The following GRIP1 variants were observed in gnomAD, a reference collection of about 807,000 sequenced individuals.
The protein encoded by GRIP1 is glutamate receptor interacting protein 1, also known as glutamate receptor-interacting protein 1.
A neutral mutation model predicts 129.9 loss-of-function variants in GRIP1; 45 were observed. That is an observed-to-expected ratio of 0.35 (90% confidence interval 0.27 to 0.44). The LOEUF (loss-of-function observed/expected upper bound fraction) is 0.44, where lower values mean the gene tolerates loss of function less well. Ranked by LOEUF, GRIP1 falls within the 20% of genes least tolerant of loss-of-function variation. The probability of loss-of-function intolerance (pLI) is 1.00; values close to 1 mark genes in which losing one functional copy is unlikely to be tolerated. For synonymous variants in GRIP1, 530 were observed against 520.8 expected (o/e 1.02, Z -0.24); for missense variants, 1,196 against 1,396.8 (o/e 0.86, Z 2.29).
chr12:66,569,417 C>T (rs552955459), intron 2 of GRIP1, among the ~76,000 whole-genome samples: 5 of 152,280 alleles, frequency 3.3e-5, no homozygotes, highest in South Asian at 4.1e-4. Flanking sequence ...ACAGAGGTTG[C>T]CGTGAGCCAA....
chr12:66,442,695 C>T (rs758033796), intron 13 of GRIP1, among the ~76,000 whole-genome samples: 5 of 150,396 alleles, frequency 3.3e-5, no homozygotes, highest in Non-Finnish European at 7.4e-5. Flanking sequence ...CCATGCCAGG[C>T]TAATTTAAAA....
At chr12:67,054,297 C>T (rs2043395799) in intron 1 of GRIP1, among the ~76,000 whole-genome samples, 1 of 152,180 alleles carries the variant, frequency 6.6e-6, no homozygotes, top group African/African-American at 2.4e-5. Context: ...TTACTAAGCA[C>T]CTACTATGAG....
At chr12:66,392,592 G>A in intron 18 of GRIP1, 85 bp downstream of exon 18, 1 of 1,580,884 alleles carries the variant, frequency 6.3e-7, no homozygotes, top group Non-Finnish European at 8.7e-7. Flanking sequence ...TGTTTCCCTA[G>A]AATTACACAC....
Position 66,445,345 on chromosome 12 carries a change from G to T in GRIP1, c.1518C>A (p.Ile506=). ...TLSSPPLISY[I]EADSPAERCG... ...ACCTCTCTGCTGGGCTGTCAGCTTC[G>T]ATATAGGAAATCAGAGGTGGAGAAG... Residue 506 remains isoleucine, a synonymous_variant, in exon 12 of 25, where the codon ATC becomes ATA. Coordinates refer to ENST00000359742, the MANE Select transcript of GRIP1 (RefSeq NM_001366722.1). 1 of 1,614,082 alleles carries T rather than the reference G, an allele frequency of 6.2e-7. No homozygotes were observed. The highest frequency in any genetic ancestry group is 8.5e-7 in the Non-Finnish European group (1 of 1,179,938).
intron 1 of GRIP1, among the ~76,000 whole-genome samples, chr12:66,810,878 A>G (rs955127669): frequency 1.3e-5 from 2 of 152,186 alleles, no homozygotes; most frequent in African/African-American, 2.4e-5. Context: ...AATATACCCT[A>G]AGTTTGCTCA....
chr12:66,774,597 A>C (rs1459941589), intron 1 of GRIP1, among the ~76,000 whole-genome samples: 1 of 152,184 alleles, frequency 6.6e-6, no homozygotes, highest in African/African-American at 2.4e-5. Context: ...ATGTAGAAAA[A>C]ACTTTGGAGA....
chr12:66,922,172 T>C (rs2041224107), intron 1 of GRIP1, among the ~76,000 whole-genome samples: 1 of 152,150 alleles, frequency 6.6e-6, no homozygotes, highest in South Asian at 2.1e-4. Flanking sequence ...GGAAAACCAA[T>C]TAATAAATAC....
At chr12:66,425,914 TA>T (rs1325597583) in intron 14 of GRIP1, among the ~76,000 whole-genome samples, 29 of 152,104 alleles carry the variant, frequency 1.9e-4, no homozygotes, top group Non-Finnish European at 3.5e-4. Context: ...ATGGCACATG[TA>T]TACATATGTA....
intron 1 of GRIP1, among the ~76,000 whole-genome samples, chr12:66,873,720 T>C (rs955215645): frequency 2.6e-5 from 4 of 152,030 alleles, no homozygotes; most frequent in African/African-American, 7.2e-5. Flanking sequence ...CTCTGCAAAA[T>C]AGAGATCTCT....
intron 1 of GRIP1, among the ~76,000 whole-genome samples, chr12:66,657,264 C>T (rs61926117): frequency 0.065 from 9,484 of 146,106 alleles, 379 homozygotes; most frequent in Non-Finnish European, 0.093. Flanking sequence ...CTGTCAGCCT[C>T]TACTGAAGGA....
At chr12:66,582,859 C>A (rs1383040665) in intron 2 of GRIP1, among the ~76,000 whole-genome samples, 2 of 144,684 alleles carry the variant, frequency 1.4e-5, no homozygotes, top group East Asian at 2.1e-4. Flanking sequence ...TCAATGCCAT[C>A]CCCATCAAGC....
Position 66,953,123 on chromosome 12 carries a change from C to T in GRIP1, c.58+115927G>A, listed in dbSNP as rs552601557. The stretch of plus-strand genomic sequence containing the variant: ...TTCAGCCAGCAACAAATGGAGAATG[C>T]CTTTTCATTTAAAACAAGAACAAAA... On this transcript the variant is annotated intron_variant, in intron 1 of 1. Coordinates refer to the GRIP1 transcript ENST00000643019. Among the ~76,000 whole-genome samples the T allele has an allele frequency of 9.2e-5, 14 of 152,214 alleles. No homozygotes were observed. In the South Asian group the frequency reaches 2.9e-3, roughly 32 times the overall value.
At chr12:66,417,291 TC>T (rs1310161222) in intron 15 of GRIP1, among the ~76,000 whole-genome samples, 1 of 152,100 alleles carries the variant, frequency 6.6e-6, no homozygotes, top group Non-Finnish European at 1.5e-5. Context: ...GAAATATACC[TC>T]AACATAATAA....
intron 15 of GRIP1, among the ~76,000 whole-genome samples, chr12:66,407,002 C>A (rs944027957): frequency 5.3e-5 from 8 of 151,568 alleles, no homozygotes; most frequent in African/African-American, 1.9e-4. Context: ...CAGGGTAGGT[C>A]TGTTGAAAAA....
intron 7 of GRIP1, 68 bp downstream of exon 7, chr12:66,515,551 A>G (rs920529622): frequency 2.2e-6 from 3 of 1,392,230 alleles, no homozygotes; most frequent in Non-Finnish European, 3.1e-6. Context: ...TTAATCCAAC[A>G]TGGTTTATCA....
At chr12:66,724,131 T>C (rs1471710020) in intron 1 of GRIP1, among the ~76,000 whole-genome samples, 2 of 152,232 alleles carry the variant, frequency 1.3e-5, no homozygotes, top group African/African-American at 2.4e-5. Flanking sequence ...AGTTTGTATG[T>C]AGGTCTGCTA....
intron 1 of GRIP1, among the ~76,000 whole-genome samples, chr12:66,661,403 A>G (rs2136193887): frequency 6.6e-6 from 1 of 151,520 alleles, no homozygotes; most frequent in Non-Finnish European, 1.5e-5. Flanking sequence ...TCAAACAACA[A>G]AAAGTTGGCT....
intron 1 of GRIP1, among the ~76,000 whole-genome samples, chr12:66,624,166 G>C (rs991684146): frequency 6.6e-6 from 1 of 152,106 alleles, no homozygotes; most frequent in African/African-American, 2.4e-5. Context: ...CTCTGATTTT[G>C]AATATTTAAA....
At position 66,723,400 on chromosome 12, in the gene GRIP1, C is replaced by T. The variant is rs368079352; in HGVS notation, c.-420+80653G>A. Among the ~76,000 whole-genome samples, 5 of 149,294 alleles carry T rather than the reference C, an allele frequency of 3.3e-5. 1 individual carries two copies. The highest frequency in any genetic ancestry group is 9.9e-5 in the African/African-American group (4 of 40,344). Reference sequence around the variant, plus strand: ...CGATAGCAGCTCATTGCAACCTCCACCTCCTGGGTTCAAGCAATTCTCCTG... The same window carrying T: ...CGATAGCAGCTCATTGCAACCTCCATCTCCTGGGTTCAAGCAATTCTCCTG... On this transcript the variant is annotated intron_variant, in intron 1 of 4. Transcript: ENST00000538373.
Sources: allele counts gnomAD v4.1 joint callset (sites outside exome capture counted in the v4.1 genomes callset), GRCh38; gene constraint gnomAD v4.1.1; transcripts MANE v1.5; gene names NCBI Gene and HGNC (gene_info 2026-07-23, HGNC 2026-07-21).